Variants in SLC26A8 observed in about 807,000 individuals in gnomAD.
The protein encoded by SLC26A8 is solute carrier family 26 member 8, also known as testis anion transporter 1.
SLC26A8 carries 70 observed loss-of-function variants against 105.0 expected under a neutral mutation model. That is an observed-to-expected ratio of 0.67 (90% confidence interval 0.55 to 0.81). SLC26A8 has a LOEUF of 0.81. Among genes scored for constraint, SLC26A8 ranks in the 40% least tolerant of loss-of-function variants. The pLI is 0.00. For missense variants in SLC26A8, 998 were observed against 1,181.8 expected (o/e 0.84, Z 2.28); for synonymous variants, 415 against 438.3 (o/e 0.95, Z 0.66).
chr6:35,951,105 ATCC>A, intron 19 of SLC26A8, 55 bp downstream of exon 19: 1 of 537,212 alleles, frequency 1.9e-6, no homozygotes, highest in Non-Finnish European at 2.8e-6. Flanking sequence ...CCCCTCACCC[ATCC>A]CCCCACTGCC....
intron 3 of SLC26A8, among the ~76,000 whole-genome samples, chr6:36,008,305 C>T (rs1184854186): frequency 6.6e-6 from 1 of 151,582 alleles, no homozygotes; most frequent in Non-Finnish European, 1.5e-5. Flanking sequence ...AAAAACAAAA[C>T]AAAACAAAAC....
intron 11 of SLC26A8, among the ~76,000 whole-genome samples, chr6:35,968,213 C>T (rs1581641913): frequency 1.3e-5 from 2 of 149,740 alleles, no homozygotes; most frequent in African/African-American, 4.9e-5. Flanking sequence ...GGTGGGATCT[C>T]GGCTCACTGC....
intron 11 of SLC26A8, 77 bp downstream of exon 11, chr6:35,968,800 C>G: frequency 2.4e-6 from 1 of 413,746 alleles, no homozygotes; most frequent in South Asian, 3.1e-5. Flanking sequence ...AGCCCCTTAC[C>G]CCCCGCACAC....
intron 3 of SLC26A8, among the ~76,000 whole-genome samples, chr6:36,008,141 G>T (rs1443291972): frequency 6.6e-6 from 1 of 150,548 alleles, no homozygotes; most frequent in African/African-American, 2.4e-5. Flanking sequence ...AAAAAAAATG[G>T]TGTTGAGGCC....
intron 10 of SLC26A8, among the ~76,000 whole-genome samples, chr6:35,972,140 A>G (rs2127316413): frequency 6.6e-6 from 1 of 152,366 alleles, no homozygotes; most frequent in South Asian, 2.1e-4. Flanking sequence ...TCTATGCCAG[A>G]TAAAAAATAA....
intron 16 of SLC26A8, among the ~76,000 whole-genome samples, 181 bp downstream of exon 16, chr6:35,959,279 C>CT (rs1029575277): frequency 1.0e-4 from 15 of 147,680 alleles, no homozygotes; most frequent in South Asian, 4.3e-4. Context: ...AATCTTGTGC[C>CT]TTTTTTTTTT....
rs1762206234 is a variant in SLC26A8, at chr6:36,024,397, G to A, written c.-3+107C>T. The stretch of plus-strand genomic sequence containing the variant: ...CACAGATACTGACTGAGTGCCCACG[G>A]CGTGCCTGGCTCTGCGGCATACCTG... On this transcript the variant is annotated intron_variant, in intron 1 of 19. Coordinates refer to ENST00000490799, the MANE Select transcript of SLC26A8 (RefSeq NM_052961.4). 8.9e-6 allele frequency: 4 copies of A among 447,310 alleles called. 1 individual carries two copies. Among genetic ancestry groups the A allele is most frequent in the South Asian group, 4.7e-5 (3 of 64,214 alleles). 27.7% of individuals were successfully genotyped at this position (447,310 alleles called of 1,614,324 possible).
chr6:35,955,537 A>C lies in SLC26A8; in HGVS notation c.1864-17T>G. 1 of 1,610,034 alleles carries C rather than the reference A, an allele frequency of 6.2e-7. No homozygotes were observed. The highest frequency in any genetic ancestry group is 8.5e-7 in the Non-Finnish European group (1 of 1,177,270). ...GTAAAGAATCTGGGACGACAGAGTT[A>C]AGGGAGGGCTGTGGTAAGACACCAA... is the stretch of plus-strand genomic sequence containing the variant. On this transcript the variant is annotated splice_polypyrimidine_tract_variant and intron_variant, in intron 16 of 19. Transcript: ENST00000490799.
Position 35,968,919 on chromosome 6 carries a change from G to A in SLC26A8, c.1323C>T (p.Leu441=). The A allele has an allele frequency of 6.2e-7, 1 of 1,612,212 alleles. No individual in the cohort carries two copies. The highest frequency in any genetic ancestry group is 8.5e-7 in the Non-Finnish European group (1 of 1,179,472). The change falls in exon 11 of 20, where the codon CTC becomes CTT. Residue 441 remains leucine (L), a synonymous_variant. Transcript: ENST00000490799. ...AAAAGTGTCCCATCTTCACCATCAGGAGCAGCATCACACCTGCGCCTACCA... is the reference window on the plus strand; with the variant it reads ...AAAAGTGTCCCATCTTCACCATCAGAAGCAGCATCACACCTGCGCCTACCA... ...ASLVGAGVML[L]LMVKMGHFFY... is the part of the protein sequence containing the mutation.
rs1343665609 is a variant in SLC26A8, at chr6:35,977,053, A to AT, written c.1173+150dup. On this transcript the variant is annotated intron_variant, in intron 9 of 19. Transcript: ENST00000490799. ...AATTCAAGTGCCCTCAAAGTTAAGT[A>AT]TCCCTCACCTCTCAAAAATCCTTTG... 8.0e-6 allele frequency: 6 copies of AT among 750,308 alleles called. No homozygotes were observed. The Admixed American group carries it at 1.6e-4, about 19-fold the overall frequency. 46.5% of individuals were successfully genotyped at this position (750,308 alleles called of 1,614,324 possible).
intron 3 of SLC26A8, among the ~76,000 whole-genome samples, chr6:36,001,681 G>A (rs549786723): frequency 3.3e-5 from 5 of 152,322 alleles, no homozygotes; most frequent in Admixed American, 2.0e-4. Flanking sequence ...TTTGCACTTC[G>A]TTTAATGCTT....
chr6:35,964,281 A>G (rs1459356591), intron 11 of SLC26A8, among the ~76,000 whole-genome samples: 1 of 152,202 alleles, frequency 6.6e-6, no homozygotes, highest in East Asian at 1.9e-4. Context: ...CCTTTTGGAA[A>G]ATCACTTGAC....
chr6:35,968,516 A>G (rs1430095613), intron 11 of SLC26A8, among the ~76,000 whole-genome samples: 1 of 149,288 alleles, frequency 6.7e-6, no homozygotes, highest in Non-Finnish European at 1.5e-5. Context: ...AGTGTTTACT[A>G]TAGGCCCAAT....
At chr6:35,982,801 A>C (rs1773330466) in intron 7 of SLC26A8, among the ~76,000 whole-genome samples, 1 of 152,260 alleles carries the variant, frequency 6.6e-6, no homozygotes, top group Admixed American at 6.5e-5. Context: ...AAAGAGAAAC[A>C]TGATTAACCC....
Position 35,959,559 on chromosome 6 carries a change from T to C in SLC26A8, c.1764A>G (p.Glu588=), listed in dbSNP as rs1282958987. 2 of 1,613,804 alleles carry C rather than the reference T, an allele frequency of 1.2e-6. No homozygotes were observed. The highest frequency in any genetic ancestry group is 1.7e-6 in the Non-Finnish European group (2 of 1,179,976). Residue 588 remains glutamate, a synonymous_variant, in exon 16 of 20, where the codon GAA becomes GAG. Transcript: ENST00000490799. ...TTGAATTAAACAAGCTGAAAATTTC[T>C]TCTTCTTTAAGAGGCACCTTTACCA... ...VDMVKVPLKE[E]EIFSLFNSSD...
intron 7 of SLC26A8, among the ~76,000 whole-genome samples, chr6:35,983,507 T>G (rs1235620263): frequency 6.6e-6 from 1 of 152,106 alleles, no homozygotes. Context: ...GGATCTCAGT[T>G]GTTGCCTTGA....
rs548849524 is a variant in SLC26A8, at chr6:36,007,993, G to A, written c.328+4240C>T. On this transcript the variant is annotated intron_variant, in intron 3 of 19. Transcript: ENST00000490799. Reference sequence around the variant, plus strand: ...AAATTAGCCAGGCATAGTGGCAGGCGCCTGTAGTCCCAGCTACTCGGGAGG... The same window carrying A: ...AAATTAGCCAGGCATAGTGGCAGGCACCTGTAGTCCCAGCTACTCGGGAGG... Among the ~76,000 whole-genome samples, 9 of 152,078 alleles carry A rather than the reference G, an allele frequency of 5.9e-5. No homozygotes were observed. In the East Asian group the frequency reaches 7.7e-4, roughly 13 times the overall value.
intron 9 of SLC26A8, 74 bp downstream of exon 9, chr6:35,977,130 C>T: frequency 2.0e-6 from 3 of 1,509,146 alleles, no homozygotes; most frequent in Non-Finnish European, 2.7e-6. Context: ...AAAAAGACTC[C>T]TGCTTCATGT....
At chr6:35,985,271 G>C (rs887161269) in intron 7 of SLC26A8, among the ~76,000 whole-genome samples, 3 of 152,150 alleles carry the variant, frequency 2.0e-5, no homozygotes, top group Non-Finnish European at 2.9e-5. Context: ...CCTCCCTCCA[G>C]AGGCTATGTC....
Sources: gnomAD v4.1 joint callset for allele counts (sites outside exome capture counted in the v4.1 genomes callset) on GRCh38, gnomAD v4.1.1 for gene constraint, MANE v1.5 for transcripts, NCBI Gene and HGNC (gene_info 2026-07-23, HGNC 2026-07-21) for gene names.